Variants in SOX5 observed in about 807,000 individuals in gnomAD.
The protein encoded by SOX5 is SRY-box transcription factor 5.
SOX5 carries 9 observed loss-of-function variants against 92.0 expected under a neutral mutation model. That is an observed-to-expected ratio of 0.10 (90% CI 0.06 to 0.17). The LOEUF (loss-of-function observed/expected upper bound fraction) is 0.17, where lower values mean the gene tolerates loss of function less well. Among genes scored for constraint, SOX5 ranks in the 10% least tolerant of loss-of-function variants. The probability of loss-of-function intolerance (pLI) is 1.00; values close to 1 mark genes in which losing one functional copy is unlikely to be tolerated. For synonymous variants in SOX5, 344 were observed against 336.3 expected, an observed-to-expected ratio of 1.02 and a Z score of -0.25; for missense variants, 642 against 944.5, an observed-to-expected ratio of 0.68 and a Z score of 4.20.
chr12:24,184,098 A>G (rs905625209), intron 4 of SOX5, among the ~76,000 whole-genome samples: 2 of 152,154 alleles, frequency 1.3e-5, no homozygotes, highest in Non-Finnish European at 2.9e-5. Flanking sequence ...TTTCAGTAGA[A>G]CTTTTAACAA....
At chr12:23,734,855 T>C in intron 5 of SOX5, 103 bp from the exon 6 acceptor site, 1 of 821,942 alleles carries the variant, frequency 1.2e-6, no homozygotes. Flanking sequence ...CTGATTAAGA[T>C]GATGAAAATA....
intron 4 of SOX5, among the ~76,000 whole-genome samples, chr12:24,168,099 C>A (rs764850104): frequency 2.9e-4 from 44 of 152,194 alleles, no homozygotes; most frequent in Non-Finnish European, 2.9e-4. Flanking sequence ...TTTCTGGTAT[C>A]ATTATACATT....
upstream of SOX5, among the ~76,000 whole-genome samples, chr12:23,953,163 A>C (rs1292819473): frequency 6.6e-6 from 1 of 152,104 alleles, no homozygotes; most frequent in Non-Finnish European, 1.5e-5. Flanking sequence ...TTTCTGTCAG[A>C]CTTTAGAATA....
rs888440194 is a variant in SOX5, at chr12:24,129,787, G to T, written c.-2+83556C>A. ...TCAAGGGAGACACATTTAATAAAGA[G>T]TATTCAAAAATATTGGGAGAAAGTT... On this transcript the variant is annotated intron_variant, in intron 4 of 4. Coordinates refer to the SOX5 transcript ENST00000446891. Among the ~76,000 whole-genome samples the T allele has an allele frequency of 4.6e-5, 7 of 152,318 alleles. No individual in the cohort carries two copies. In the South Asian group the frequency reaches 1.4e-3, roughly 32 times the overall value.
At chr12:24,159,124 C>T (rs1952496476) in intron 4 of SOX5, among the ~76,000 whole-genome samples, 1 of 151,802 alleles carries the variant, frequency 6.6e-6, no homozygotes, top group South Asian at 2.1e-4. Context: ...TATTTCCATT[C>T]ATTATATCTA....
At chr12:24,030,657 A>G (rs1489349911) in intron 4 of SOX5, among the ~76,000 whole-genome samples, 1 of 152,046 alleles carries the variant, frequency 6.6e-6, no homozygotes, top group Non-Finnish European at 1.5e-5. Context: ...AGATATGACC[A>G]GAAGCACAGG....
chr12:23,759,420 G>T (rs2094503875), intron 3 of SOX5, among the ~76,000 whole-genome samples: 1 of 151,916 alleles, frequency 6.6e-6, no homozygotes, highest in South Asian at 2.1e-4. Flanking sequence ...GGCCTGTGGG[G>T]GTGACGAGGG....
At chr12:24,521,538 G>A (rs1950262933) in intron 1 of SOX5, among the ~76,000 whole-genome samples, 1 of 152,098 alleles carries the variant, frequency 6.6e-6, no homozygotes, top group African/African-American at 2.4e-5. Flanking sequence ...ACATTCTAGA[G>A]GACAGATCAC....
At chr12:23,843,066 C>T (rs2096536821) in intron 3 of SOX5, among the ~76,000 whole-genome samples, 1 of 152,124 alleles carries the variant, frequency 6.6e-6, no homozygotes, top group African/African-American at 2.4e-5. Context: ...TGGTCTTCCT[C>T]CCAAATCTCC....
intron 2 of SOX5, among the ~76,000 whole-genome samples, chr12:24,349,711 T>C (rs190622668): frequency 6.6e-6 from 1 of 152,398 alleles, no homozygotes. Flanking sequence ...CCTCTACTTT[T>C]AGCTATTGTA....
rs144680405 is a variant in SOX5, at chr12:23,629,088, C to T, written c.1017+11724G>A. Among the ~76,000 whole-genome samples the T allele has an allele frequency of 5.4e-3, 814 of 152,082 alleles. 9 individuals are homozygous for T. The highest frequency in any genetic ancestry group is 0.018 in the African/African-American group (763 of 41,534). ...ATGTACAAATAGATATGAAACAGCACGCTTCTCTGTTGTTTTGTTTTCTAA... is the reference window on the plus strand; with the variant it reads ...ATGTACAAATAGATATGAAACAGCATGCTTCTCTGTTGTTTTGTTTTCTAA... On this transcript the variant is annotated intron_variant, in intron 8 of 14. Transcript: ENST00000451604.
At chr12:23,821,114 T>C (rs2096105918) in intron 3 of SOX5, among the ~76,000 whole-genome samples, 1 of 152,222 alleles carries the variant, frequency 6.6e-6, no homozygotes, top group Non-Finnish European at 1.5e-5. Flanking sequence ...CAGTGGTTTG[T>C]AGTTCTCCTT....
At chr12:24,346,347 T>A (rs1953243758) in intron 2 of SOX5, among the ~76,000 whole-genome samples, 1 of 152,198 alleles carries the variant, frequency 6.6e-6, no homozygotes, top group East Asian at 1.9e-4. Flanking sequence ...TCCAAACATA[T>A]ATGAAATAGA....
chr12:23,652,636 A>T (rs1389709955), intron 7 of SOX5, among the ~76,000 whole-genome samples: 1 of 150,360 alleles, frequency 6.7e-6, no homozygotes, highest in African/African-American at 2.5e-5. Context: ...TGGTGTTCTT[A>T]TAACACTTAG....
chr12:23,985,204 A>G (rs1949948561), intron 4 of SOX5, among the ~76,000 whole-genome samples: 1 of 151,572 alleles, frequency 6.6e-6, no homozygotes, highest in South Asian at 2.1e-4. Context: ...GGAGATCAAG[A>G]TGATTAGGTT....
intron 2 of SOX5, among the ~76,000 whole-genome samples, chr12:24,339,691 G>T (rs373786223): frequency 6.6e-6 from 1 of 152,170 alleles, no homozygotes; most frequent in Non-Finnish European, 1.5e-5. Flanking sequence ...AAAAAATGTT[G>T]GTAACTCACA....
chr12:23,989,670 A>G (rs1050432631), intron 4 of SOX5, among the ~76,000 whole-genome samples: 3 of 152,134 alleles, frequency 2.0e-5, no homozygotes, highest in Admixed American at 6.6e-5. Flanking sequence ...TTGTGCCCTT[A>G]TAACTATAAC....
intron 2 of SOX5, among the ~76,000 whole-genome samples, chr12:23,863,356 C>A (rs1057306874): frequency 6.6e-6 from 1 of 152,028 alleles, no homozygotes; most frequent in Admixed American, 6.6e-5. Flanking sequence ...TATTTTAGAA[C>A]GCTATTTCTT....
chr12:24,510,882 G>A (rs924155923), intron 1 of SOX5, among the ~76,000 whole-genome samples: 1 of 152,182 alleles, frequency 6.6e-6, no homozygotes, highest in African/African-American at 2.4e-5. Flanking sequence ...TAGCAGGAAA[G>A]TATTCTTGGC....
Sources: allele counts gnomAD v4.1 joint callset (sites outside exome capture counted in the v4.1 genomes callset), GRCh38; gene constraint gnomAD v4.1.1; transcripts MANE v1.5; gene names NCBI Gene and HGNC (gene_info 2026-07-23, HGNC 2026-07-21).